Variants in STX7 observed in about 807,000 individuals in gnomAD.
The protein encoded by STX7 is syntaxin 7, also known as syntaxin-7.
Under a neutral mutation model 39.6 loss-of-function variants are expected in STX7, and 34 were observed. The observed-to-expected ratio is 0.86, with a 90% CI of 0.65 to 1.14. The LOEUF is 1.14. STX7 is among the 50% of genes most tolerant of loss of function. The pLI is 0.00. For synonymous variants in STX7, 119 were observed against 99.1 expected (o/e 1.20, Z -1.19); for missense variants, 284 against 310.4 (o/e 0.92, Z 0.64).
At chr6:132,492,379 C>T (rs1775313083) in intron 2 of STX7, among the ~76,000 whole-genome samples, 1 of 152,226 alleles carries the variant, frequency 6.6e-6, no homozygotes, top group African/African-American at 2.4e-5. Flanking sequence ...TAACACTTAA[C>T]ATCTCCTTCT....
At chr6:132,468,295 G>C (rs117783406) in intron 8 of STX7, 108 bp downstream of exon 8, 15 of 844,098 alleles carry the variant, frequency 1.8e-5, no homozygotes, top group Non-Finnish European at 2.9e-5. Context: ...TGGTTCCAGG[G>C]AAACCAAAAA....
chr6:132,473,233 A>G (rs1051802797), intron 3 of STX7, among the ~76,000 whole-genome samples: 10 of 152,326 alleles, frequency 6.6e-5, no homozygotes, highest in Admixed American at 5.9e-4. Context: ...GCTGGAAAAA[A>G]TAATGGCATT....
rs1774741184 is a variant in STX7, at chr6:132,472,278, A to T, written c.249+4T>A. ...CATCAACAATGTGTCTTAAAGCTTG[A>T]TACCTGTTCACTGGGGGTGGTGGGC... On this transcript the variant is annotated splice_donor_region_variant and intron_variant, in intron 4 of 9. Coordinates refer to ENST00000367941, the MANE Select transcript of STX7 (RefSeq NM_003569.3). 2 of 1,609,072 alleles carry T rather than the reference A, an allele frequency of 1.2e-6. No individual in the cohort carries two copies. The highest frequency in any genetic ancestry group is 1.1e-5 in the South Asian group (1 of 90,150).
In STX7 at chr6:132,459,375, G is replaced by A. The variant is rs1046664704; in HGVS notation, c.*1383C>T. 2 of 152,200 alleles carry A rather than the reference G, an allele frequency of 1.3e-5. No homozygotes were observed. Among genetic ancestry groups the A allele is most frequent in the Admixed American group, 1.3e-4 (2 of 15,280 alleles). 9.4% of individuals were successfully genotyped at this position (152,200 alleles called of 1,614,324 possible). ...TAAAATAAAAACCTGGAGTGAACTG[G>A]TGCTCCAGAAAGATGCTGAATGGCC... is the stretch of plus-strand genomic sequence containing the variant. On this transcript the variant is annotated 3_prime_UTR_variant, in exon 10 of 10. Coordinates refer to ENST00000367941, the MANE Select transcript of STX7 (RefSeq NM_003569.3).
At position 132,458,328 on chromosome 6, in the gene STX7, C is replaced by T. The variant is rs1289924007; in HGVS notation, c.*2430G>A. ...TGTAAAAGAGATGGTCCCACACCTA[C>T]TAAAAAAACAAGCTACTCTAGTATC... is the stretch of plus-strand genomic sequence containing the variant. On this transcript the variant is annotated 3_prime_UTR_variant, in exon 10 of 10. Transcript: ENST00000367941. 6.6e-6 allele frequency: 1 copy of T among 151,418 alleles called. No homozygotes were observed. Among genetic ancestry groups the T allele is most frequent in the African/African-American group, 2.4e-5 (1 of 41,246 alleles). The allele number at this position is 151,418 out of a possible 1,614,324, so 9.4% of individuals were successfully genotyped here.
rs1427511002 is a variant in STX7 at position 132,449,470 on chromosome 6, C to G, written c.*11288G>C. 6.6e-6 allele frequency: 1 copy of G among 152,038 alleles called. No homozygotes were observed. The highest frequency in any genetic ancestry group is 2.4e-5 in the African/African-American group (1 of 41,390). The allele number at this position is 152,038 out of a possible 1,614,324, so 9.4% of individuals were successfully genotyped here. The stretch of plus-strand genomic sequence containing the variant: ...GCTCTGGAAATTTGTCAGCAATTAC[C>G]TCAATTTTTTTCTATTTTTTACTTC... On this transcript the variant is annotated 3_prime_UTR_variant, in exon 10 of 10. Coordinates refer to ENST00000367941, the MANE Select transcript of STX7 (RefSeq NM_003569.3).
At chr6:132,469,410 A>C (rs1774652348) in intron 7 of STX7, among the ~76,000 whole-genome samples, 1 of 151,682 alleles carries the variant, frequency 6.6e-6, no homozygotes, top group Admixed American at 6.6e-5. Flanking sequence ...TAACAATAAT[A>C]ATTTTTAAAA....
At position 132,501,448 on chromosome 6, in the gene STX7, A is replaced by C. The variant is rs1017466099; in HGVS notation, c.85+1998T>G. ...CCAATACTGCCCCGGATGTACTCGC[A>C]CACTTAGCTACCAACCTGCCATAAA... On this transcript the variant is annotated intron_variant, in intron 2 of 9. Transcript: ENST00000367941. Among the ~76,000 whole-genome samples, 3 of 152,168 alleles carry C rather than the reference A, an allele frequency of 2.0e-5. No individual in the cohort carries two copies. In the East Asian group the frequency reaches 5.8e-4, roughly 29 times the overall value.
intron 2 of STX7, among the ~76,000 whole-genome samples, chr6:132,500,238 T>A (rs538126871): frequency 6.6e-6 from 1 of 152,276 alleles, no homozygotes; most frequent in Non-Finnish European, 1.5e-5. Flanking sequence ...ATGCCTCCAG[T>A]GATTTCCACT....
At chr6:132,464,350 C>T (rs1040565081) in intron 8 of STX7, among the ~76,000 whole-genome samples, 1 of 152,220 alleles carries the variant, frequency 6.6e-6, no homozygotes, top group Admixed American at 6.5e-5. Context: ...CTGGCAACCC[C>T]TGAAAAGTAC....
chr6:132,483,510 G>C (rs1442257752), intron 2 of STX7, among the ~76,000 whole-genome samples: 2 of 152,132 alleles, frequency 1.3e-5, no homozygotes, highest in African/African-American at 4.8e-5. Context: ...TTGATTCTCA[G>C]AATATGCTAT....
intron 3 of STX7, 137 bp from the exon 4 acceptor site, chr6:132,472,512 CA>C (rs1352476147): frequency 1.4e-4 from 77 of 552,964 alleles, no homozygotes; most frequent in South Asian, 2.8e-4. Flanking sequence ...CTTTCTCTAT[CA>C]AAAAAAATTT....
intron 2 of STX7, among the ~76,000 whole-genome samples, chr6:132,476,377 T>C (rs1308416527): frequency 1.3e-4 from 20 of 152,038 alleles, no homozygotes; most frequent in Admixed American, 1.2e-3. Flanking sequence ...AAAAAGAAAT[T>C]AGACCAGTCT....
intron 9 of STX7, among the ~76,000 whole-genome samples, chr6:132,462,585 GT>G (rs1774438426): frequency 3.9e-5 from 2 of 51,762 alleles, no homozygotes; most frequent in East Asian, 1.3e-3. Flanking sequence ...TTGCAGGGGT[GT>G]GTGTGTGTGT....
Position 132,503,429 on chromosome 6 carries a change from T to C in STX7, c.85+17A>G. The stretch of plus-strand genomic sequence containing the variant: ...GAGTGGATACAAATAGTGAAGTCCA[T>C]TTAAAACTCAACTCACAACACTGTG... On this transcript the variant is annotated intron_variant, in intron 2 of 9. Coordinates refer to ENST00000367941, the MANE Select transcript of STX7 (RefSeq NM_003569.3). 1.2e-6 allele frequency: 2 copies of C among 1,608,650 alleles called. No homozygotes were observed. Among genetic ancestry groups the C allele is most frequent in the South Asian group, 1.1e-5 (1 of 90,904 alleles).
chr6:132,503,516 T>G lies in STX7; in HGVS notation c.15A>C (p.Pro5=), dbSNP rs767952945. Residue 5 remains proline, a synonymous_variant, in exon 2 of 10, where the codon CCA becomes CCC. Transcript: ENST00000367941. The stretch of plus-strand genomic sequence containing the variant: ...ACTGGGCGGGGTCACCACCAACTCC[T>G]GGAGTGTAAGACATGGTTGATGTTC... MSYT[P]GVGGDPAQLA... is the part of the protein sequence containing the mutation. The G allele has an allele frequency of 1.2e-6, 2 of 1,613,914 alleles. No homozygotes were observed. The highest frequency in any genetic ancestry group is 1.7e-6 in the Non-Finnish European group (2 of 1,179,926).
chr6:132,507,600 C>T (rs1775737772), intron 1 of STX7, among the ~76,000 whole-genome samples: 1 of 152,192 alleles, frequency 6.6e-6, no homozygotes, highest in Non-Finnish European at 1.5e-5. Flanking sequence ...TCTTAGTATG[C>T]TTCCAAAGTC....
rs1020434551 is a variant in STX7, at chr6:132,460,138, T to A, written c.*620A>T. On this transcript the variant is annotated 3_prime_UTR_variant, in exon 10 of 10. Transcript: ENST00000367941. ...TATCCTTAGTAATTTTACTAGGCAA[T>A]CTACAGCAAAAGCTTAATATATACA... 2 of 152,164 alleles carry A rather than the reference T, an allele frequency of 1.3e-5. No homozygotes were observed. The highest frequency in any genetic ancestry group is 2.9e-5 in the Non-Finnish European group (2 of 68,020). The allele number at this position is 152,164 out of a possible 1,614,324, so 9.4% of individuals were successfully genotyped here. A position where few individuals can be genotyped will look rare whatever the true frequency, so the allele number is the denominator to read the frequency against.
At chr6:132,469,506 C>A (rs1774655837) in intron 7 of STX7, among the ~76,000 whole-genome samples, 2 of 152,096 alleles carry the variant, frequency 1.3e-5, no homozygotes, top group African/African-American at 4.8e-5. Context: ...ATTATTCCAA[C>A]TCATACATTA....
Sources: gnomAD v4.1 joint callset for allele counts (sites outside exome capture counted in the v4.1 genomes callset) on GRCh38, gnomAD v4.1.1 for gene constraint, MANE v1.5 for transcripts, NCBI Gene and HGNC (gene_info 2026-07-23, HGNC 2026-07-21) for gene names.